Variants in MYH14 observed in about 807,000 individuals in gnomAD.
MYH14 encodes the protein myosin-14.
MYH14 carries 123 observed loss-of-function variants against 255.5 expected under a neutral mutation model. The ratio of observed to expected loss-of-function variants is 0.48; its 90% CI spans 0.42 to 0.56. MYH14 has a LOEUF of 0.56. Ranked by LOEUF, MYH14 falls within the 20% of genes least tolerant of loss-of-function variation. The probability of loss-of-function intolerance (pLI) is 0.00; values close to 1 mark genes in which losing one functional copy is unlikely to be tolerated. For synonymous variants in MYH14, 1,095 were observed against 1,161.2 expected (o/e 0.94, Z 1.16); for missense variants, 2,423 against 2,802.3 (o/e 0.86, Z 3.06).
At position 50,293,806 on chromosome 19, in the gene MYH14, A is replaced by T; in HGVS notation, c.5469+119A>T. On this transcript the variant is annotated intron_variant, in intron 39 of 42. Transcript: ENST00000642316. The surrounding 1 kb of genome is among the most constrained non-coding windows in gnomAD (Gnocchi z 4.1). ...TATTTGAGTTGGGTTTTGAAGGTTGAATAGGAGTTCTTAAAAGGGTTGAAA... is the reference window on the plus strand; with the variant it reads ...TATTTGAGTTGGGTTTTGAAGGTTGTATAGGAGTTCTTAAAAGGGTTGAAA... 1 of 1,138,236 alleles carries T rather than the reference A, an allele frequency of 8.8e-7. No individual in the cohort carries two copies. The allele number at this position is 1,138,236 out of a possible 1,614,324, so 70.5% of individuals were successfully genotyped here. A position where few individuals can be genotyped will look rare whatever the true frequency, so the allele number is the denominator to read the frequency against.
In MYH14 at chr19:50,281,775, C is replaced by T; in HGVS notation, c.4472C>T (p.Thr1491Ile). The T allele has an allele frequency of 5.0e-6, 8 of 1,612,662 alleles. No individual in the cohort carries two copies. The highest frequency in any genetic ancestry group is 5.9e-6 in the Non-Finnish European group (7 of 1,179,774). Residue 1491 changes from threonine to isoleucine, a missense_variant, in exon 33 of 43, where the codon ACC (threonine) becomes ATC (isoleucine). By Grantham distance (89) the Thr-to-Ile change is moderately conservative. This residue lies in a region of MYH14 where 1,513 missense variants were observed against 1,674.8 expected (regional missense o/e 0.90). Transcript: ENST00000642316. ...RRLQQELDDATMDLEQQRQLV... is the reference protein window; with the variant it reads ...RRLQQELDDAIMDLEQQRQLV... ...CTGCAGCAGGAGCTGGACGACGCCACCATGGACCTGGAGCAGCAGCGGCAG... is the reference window on the plus strand; with the variant it reads ...CTGCAGCAGGAGCTGGACGACGCCATCATGGACCTGGAGCAGCAGCGGCAG...
rs1290463902 is a variant in MYH14, at chr19:50,257,337, G to A, written c.2083G>A (p.Gly695Ser). 6.2e-7 allele frequency: 1 copy of A among 1,609,540 alleles called. No individual in the cohort carries two copies. Among genetic ancestry groups the A allele is most frequent in the Non-Finnish European group, 8.5e-7 (1 of 1,177,830 alleles). Residue 695 changes from glycine to serine, a missense_variant, in exon 18 of 43, where the codon GGC becomes AGC. Physicochemically the swap from Gly to Ser is moderately conservative, Grantham distance 56. This residue lies in a region of MYH14 where 672 missense variants were observed against 881.8 expected (regional missense o/e 0.76). Coordinates refer to ENST00000642316, the MANE Select transcript of MYH14 (RefSeq NM_001145809.2). ...IVGLEQVSSLGDGPPGGRPRR... is the reference protein window; with the variant it reads ...IVGLEQVSSLSDGPPGGRPRR... The stretch of plus-strand genomic sequence containing the variant: ...GGGGCTGGAACAGGTGAGCAGCCTG[G>A]GCGACGGCCCACCAGGTGGCCGCCC...
rs746988346 is a variant in MYH14, at chr19:50,217,623, C to T, written c.414C>T (p.Ser138=). ...RYYSGLIYTY[S]GLFCVVINPY... Reference sequence around the variant, plus strand: ...CCTCTCACCCACTGCAGACGTACTCCGGCCTTTTCTGTGTGGTCATCAACC... The same window carrying T: ...CCTCTCACCCACTGCAGACGTACTCTGGCCTTTTCTGTGTGGTCATCAACC... The change falls in exon 3 of 43, where the codon TCC becomes TCT. Residue 138 remains serine, a synonymous_variant. Coordinates refer to ENST00000642316, the MANE Select transcript of MYH14 (RefSeq NM_001145809.2). The T allele has an allele frequency of 1.1e-5, 17 of 1,614,050 alleles. No individual in the cohort carries two copies. The highest frequency in any genetic ancestry group is 4.5e-5 in the East Asian group (2 of 44,884).
chr19:50,236,632 C>T (rs1447288435), intron 10 of MYH14, among the ~76,000 whole-genome samples: 5 of 151,896 alleles, frequency 3.3e-5, no homozygotes, highest in East Asian at 1.9e-4. Context: ...CGCTTGAACC[C>T]GGGAGGCGGA....
rs3929077 is a variant in MYH14, at chr19:50,266,350, C to T, written c.2695-527C>T. 8.3e-3 allele frequency among the ~76,000 whole-genome samples: 1,258 copies of T among 152,230 alleles called. 19 individuals carry two copies. Among genetic ancestry groups the T allele is most frequent in the African/African-American group, 0.027 (1,120 of 41,536 alleles). ...CTGAGGTGGGTGGATTACTTGAGGC[C>T]GGGAGTTGGAGACCAGCCTGGCCAA... is the stretch of plus-strand genomic sequence containing the variant. On this transcript the variant is annotated intron_variant, in intron 22 of 42. Transcript: ENST00000642316. The surrounding 1 kb of genome is among the most constrained non-coding windows in gnomAD (Gnocchi z 4.1).
At chr19:50,289,012 G>A (rs1423344546) in intron 34 of MYH14, among the ~76,000 whole-genome samples, 1 of 152,038 alleles carries the variant, frequency 6.6e-6, no homozygotes, top group Non-Finnish European at 1.5e-5. Context: ...ACCCTGGGGA[G>A]TCTGGCAAAC....
intron 9 of MYH14, 45 bp from the exon 10 acceptor site, chr19:50,231,885 T>C: frequency 1.2e-6 from 2 of 1,610,088 alleles, no homozygotes; most frequent in East Asian, 4.5e-5. Context: ...TGAGTCTGAC[T>C]GCACAGCCCA....
chr19:50,220,050 C>G (rs1266073035), intron 3 of MYH14, among the ~76,000 whole-genome samples: 1 of 151,946 alleles, frequency 6.6e-6, no homozygotes, highest in Non-Finnish European at 1.5e-5. Context: ...AAAAATTTAA[C>G]AAGTTTTTGT....
chr19:50,292,211 C>T lies in MYH14; in HGVS notation c.5128-50C>T, dbSNP rs1011779973. 3 of 1,535,510 alleles carry T rather than the reference C, an allele frequency of 2.0e-6. No individual in the cohort carries two copies. In the African/African-American group the frequency reaches 4.1e-5, roughly 21 times the overall value. On this transcript the variant is annotated intron_variant, in intron 36 of 42. Transcript: ENST00000642316. ...TCTGGCAAGGGGGTGGAGGAGTTCC[C>T]TGTGCTGTGTGGCCAGGCTGAGCCC...
Position 50,293,514 on chromosome 19 carries a change from C to T in MYH14, c.5346-50C>T. ...GTCCTGTAGTGTGAGGCAAGGCACCCTCCTCTGACCATCCTGTCCTTTCAT... is the reference window on the plus strand; with the variant it reads ...GTCCTGTAGTGTGAGGCAAGGCACCTTCCTCTGACCATCCTGTCCTTTCAT... On this transcript the variant is annotated intron_variant, in intron 38 of 42. Coordinates refer to ENST00000642316, the MANE Select transcript of MYH14 (RefSeq NM_001145809.2). This position sits in a 1 kb window ranked among gnomAD's most constrained non-coding sequence, Gnocchi z 4.1. The T allele has an allele frequency of 6.2e-7, 1 of 1,606,148 alleles. No homozygotes were observed. Among genetic ancestry groups the T allele is most frequent in the Non-Finnish European group, 8.5e-7 (1 of 1,176,952 alleles).
At chr19:50,300,886 T>A (rs895172843) in intron 39 of MYH14, among the ~76,000 whole-genome samples, 14 of 151,756 alleles carry the variant, frequency 9.2e-5, no homozygotes, top group Admixed American at 6.6e-4. Context: ...TTTCACCAGC[T>A]GGGCAACGGC....
intron 5 of MYH14, 41 bp downstream of exon 5, chr19:50,223,390 A>G: frequency 7.6e-7 from 1 of 1,313,296 alleles, no homozygotes; most frequent in Non-Finnish European, 1.1e-6. Context: ...GCCCTGCCAC[A>G]GCACTGCCCC....
intron 39 of MYH14, among the ~76,000 whole-genome samples, chr19:50,294,940 G>A (rs568582004): frequency 6.0e-5 from 9 of 150,520 alleles, no homozygotes; most frequent in Admixed American, 2.0e-4. Context: ...CATCTACTAC[G>A]TCCTTGACAT....
chr19:50,213,688 C>A lies in MYH14; in HGVS notation c.405+2918C>A, dbSNP rs534658382. On this transcript the variant is annotated intron_variant, in intron 2 of 42. Transcript: ENST00000642316. ...AATATGATCTTATTGACCCCCTCCCCATCCACATAAGGTTGTGAGGTAGGG... is the reference window on the plus strand; with the variant it reads ...AATATGATCTTATTGACCCCCTCCCAATCCACATAAGGTTGTGAGGTAGGG... Among the ~76,000 whole-genome samples the A allele has an allele frequency of 5.3e-5, 8 of 152,336 alleles. No individual in the cohort carries two copies. In the South Asian group the frequency reaches 1.7e-3, roughly 32 times the overall value.
chr19:50,307,841 T>TTAAAA (rs2036705376), intron 41 of MYH14, among the ~76,000 whole-genome samples: 2 of 152,232 alleles, frequency 1.3e-5, no homozygotes, highest in African/African-American at 4.8e-5. Flanking sequence ...ACAGAGTCCC[T>TTAAAA]CTGCCCTTAA....
At position 50,231,963 on chromosome 19, in the gene MYH14, G is replaced by A. The variant is rs1208777631; in HGVS notation, c.1007G>A (p.Arg336Gln). 3.3e-5 allele frequency: 54 copies of A among 1,613,932 alleles called. No individual in the cohort carries two copies. Among genetic ancestry groups the A allele is most frequent in the East Asian group, 4.5e-5 (2 of 44,878 alleles). ...CTCCTCGAGCCCTGCTCCCACTACC[G>A]GTTCCTGACCAACGGGCCGTCATCC... is the stretch of plus-strand genomic sequence containing the variant. ...DLLLEPCSHYRFLTNGPSSSP... is the reference protein window; with the variant it reads ...DLLLEPCSHYQFLTNGPSSSP... Residue 336 changes from arginine to glutamine, a missense_variant, in exon 10 of 43, where the codon CGG (arginine) becomes CAG (glutamine). Arg to Gln is a conservative substitution (Grantham distance 43). Coordinates refer to ENST00000642316, the MANE Select transcript of MYH14 (RefSeq NM_001145809.2).
At chr19:50,271,614 T>C in intron 25 of MYH14, 68 bp downstream of exon 25, 2 of 1,550,214 alleles carry the variant, frequency 1.3e-6, no homozygotes, top group Non-Finnish European at 1.8e-6. Context: ...AATGGTGAAC[T>C]TCACGCCATG....
intron 30 of MYH14, among the ~76,000 whole-genome samples, chr19:50,279,452 G>T (rs1396412987): frequency 6.6e-6 from 1 of 152,120 alleles, no homozygotes; most frequent in East Asian, 1.9e-4. Context: ...TGACCAACAT[G>T]GTGAAACTTC....
rs1052305922 is a variant in MYH14, at chr19:50,259,277, C to A, written c.2354+12C>A. 2 of 1,563,528 alleles carry A rather than the reference C, an allele frequency of 1.3e-6. No homozygotes were observed. On this transcript the variant is annotated intron_variant, in intron 19 of 42. Transcript: ENST00000642316. ...GAGTTCCGGCAGCGGTGAGCTAGAG[C>A]GAGGGCCCAGGCCCGGCGGAGGGGC...
Sources: allele counts gnomAD v4.1 joint callset (sites outside exome capture counted in the v4.1 genomes callset), GRCh38; gene constraint gnomAD v4.1.1; regional missense constraint gnomAD v4.1.1; non-coding constraint Gnocchi (gnomAD v3.1); transcripts MANE v1.5; gene names NCBI Gene and HGNC (gene_info 2026-07-23, HGNC 2026-07-21).